The following AIG1 variants were observed in gnomAD, a reference collection of about 807,000 sequenced individuals.
The protein encoded by AIG1 is androgen induced 1.
AIG1 carries 23 observed loss-of-function variants against 31.4 expected under a neutral mutation model. The observed-to-expected ratio is 0.73, with a 90% CI of 0.53 to 1.04. The LOEUF (loss-of-function observed/expected upper bound fraction) is 1.04. Ranked by LOEUF, AIG1 falls within the 50% of genes least tolerant of loss-of-function variation. The pLI is 0.00. For synonymous variants in AIG1, 100 were observed against 110.5 expected (o/e 0.90, Z 0.60); for missense variants, 274 against 295.0 (o/e 0.93, Z 0.52).
rs559880306 is a variant in AIG1, at chr6:143,339,691, C to T, written c.*15C>T. On this transcript the variant is annotated 3_prime_UTR_variant, in exon 6 of 6. Coordinates refer to ENST00000357847, the MANE Select transcript of AIG1 (RefSeq NM_016108.4). ...AATTGGAATGAGATCCAAGTCTAAA[C>T]GCAAGAGCTAGATTGAGCCGCCATT... The T allele has an allele frequency of 4.0e-5, 65 of 1,612,494 alleles. No individual in the cohort carries two copies. The East Asian group carries it at 6.5e-4, about 16-fold the overall frequency.
At chr6:143,267,424 C>G (rs549419194) in intron 3 of AIG1, among the ~76,000 whole-genome samples, 12 of 152,316 alleles carry the variant, frequency 7.9e-5, no homozygotes, top group African/African-American at 2.4e-4. Context: ...CCTCGTATAG[C>G]ACAGCACACA....
chr6:143,093,720 A>G (rs1562368198), intron 1 of AIG1, among the ~76,000 whole-genome samples: 1 of 152,120 alleles, frequency 6.6e-6, no homozygotes, highest in Non-Finnish European at 1.5e-5. Flanking sequence ...TTTTCCCTTG[A>G]TCACTTAGAG....
chr6:143,188,009 CA>C (rs1789428151), intron 3 of AIG1: 1 of 1,125,178 alleles, frequency 8.9e-7, no homozygotes, highest in Admixed American at 4.6e-5. Context: ...AGAACTTTGG[CA>C]TACCACTTTT....
At chr6:143,132,081 A>G (rs1783294350) in intron 1 of AIG1, among the ~76,000 whole-genome samples, 2 of 152,240 alleles carry the variant, frequency 1.3e-5, no homozygotes, top group Admixed American at 1.3e-4. Context: ...TGTTGTTATT[A>G]TAAATTTTAC....
intron 3 of AIG1, among the ~76,000 whole-genome samples, chr6:143,239,520 C>A (rs1035946546): frequency 6.6e-6 from 1 of 152,222 alleles, no homozygotes; most frequent in Non-Finnish European, 1.5e-5. Flanking sequence ...GGAACAGCAG[C>A]CCCTGAAGAA....
intron 3 of AIG1, 50 bp downstream of exon 3, chr6:143,165,233 A>C (rs186986122): frequency 7.0e-7 from 1 of 1,434,558 alleles, no homozygotes; most frequent in East Asian, 2.3e-5. Context: ...AAATCTATTA[A>C]ATAGCTATGA....
intron 4 of AIG1, among the ~76,000 whole-genome samples, chr6:143,317,452 G>T (rs1357963557): frequency 6.6e-6 from 1 of 151,906 alleles, no homozygotes; most frequent in Non-Finnish European, 1.5e-5. Context: ...ACAAAATCCA[G>T]CATCCCTTTA....
At chr6:143,250,667 G>A (rs1470111716) in intron 3 of AIG1, among the ~76,000 whole-genome samples, 1 of 152,090 alleles carries the variant, frequency 6.6e-6, no homozygotes, top group East Asian at 1.9e-4. Context: ...CAGAGACAGA[G>A]ATTGGAGTGA....
intron 1 of AIG1, among the ~76,000 whole-genome samples, chr6:143,083,450 A>G (rs1338837222): frequency 6.6e-6 from 1 of 152,174 alleles, no homozygotes; most frequent in Non-Finnish European, 1.5e-5. Flanking sequence ...ATGTACAGGG[A>G]TGCAGAAAAA....
intron 3 of AIG1, among the ~76,000 whole-genome samples, chr6:143,221,271 TC>T (rs1399133251): frequency 6.6e-6 from 1 of 151,940 alleles, no homozygotes; most frequent in Non-Finnish European, 1.5e-5. Context: ...CTATATCCAG[TC>T]CCCCCTCCAA....
intron 1 of AIG1, among the ~76,000 whole-genome samples, chr6:143,092,394 C>G (rs1779386704): frequency 6.6e-6 from 1 of 150,450 alleles, no homozygotes; most frequent in South Asian, 2.1e-4. Context: ...GTTGGTGTTA[C>G]AGGGATCAGC....
intron 4 of AIG1, among the ~76,000 whole-genome samples, chr6:143,287,871 T>C (rs1395242439): frequency 1.3e-5 from 2 of 152,120 alleles, no homozygotes; most frequent in Admixed American, 1.3e-4. Context: ...ATAAGTGTTT[T>C]CTCTTCTTTT....
At chr6:143,142,611 TC>T (rs1448321301) in intron 2 of AIG1, among the ~76,000 whole-genome samples, 3 of 152,174 alleles carry the variant, frequency 2.0e-5, no homozygotes, top group Non-Finnish European at 4.4e-5. Flanking sequence ...GGGATGGGTG[TC>T]CAGGTTATTA....
At chr6:143,342,155 C>T (rs1400989511), downstream of AIG1, 1 of 552,014 alleles carries the variant, frequency 1.8e-6, no homozygotes, top group Non-Finnish European at 3.3e-6. Flanking sequence ...AACTCCCGAC[C>T]TTAGGTGATC....
chr6:143,266,115 C>T (rs922001117), intron 3 of AIG1, among the ~76,000 whole-genome samples: 1 of 152,074 alleles, frequency 6.6e-6, no homozygotes, highest in Admixed American at 6.5e-5. Flanking sequence ...TGTGGGAGGC[C>T]GAGGCAGGTG....
intron 2 of AIG1, among the ~76,000 whole-genome samples, chr6:143,149,876 C>T (rs1447469240): frequency 6.6e-6 from 1 of 152,142 alleles, no homozygotes; most frequent in Admixed American, 6.5e-5. Flanking sequence ...GAATTAGCTA[C>T]CTTTAAAAAA....
chr6:143,159,771 G>A (rs1786158293), intron 2 of AIG1, among the ~76,000 whole-genome samples: 1 of 152,212 alleles, frequency 6.6e-6, no homozygotes, highest in Non-Finnish European at 1.5e-5. Context: ...GGCAAGGGCT[G>A]TGCTGAAGGA....
chr6:143,159,199 G>T (rs1009570237), intron 2 of AIG1, among the ~76,000 whole-genome samples: 1 of 152,314 alleles, frequency 6.6e-6, no homozygotes, highest in South Asian at 2.1e-4. Context: ...CCCTGAATCA[G>T]GAAAGAGCTT....
At chr6:143,150,270 G>T (rs1785091823) in intron 2 of AIG1, among the ~76,000 whole-genome samples, 1 of 152,194 alleles carries the variant, frequency 6.6e-6, no homozygotes, top group African/African-American at 2.4e-5. Flanking sequence ...GTTTGGGTAA[G>T]TGCCTTCTAT....
Sources: gnomAD v4.1 joint callset for allele counts (sites outside exome capture counted in the v4.1 genomes callset) on GRCh38, gnomAD v4.1.1 for gene constraint, MANE v1.5 for transcripts, NCBI Gene and HGNC (gene_info 2026-07-23, HGNC 2026-07-21) for gene names.